The following LGALS9C variants were observed in gnomAD, a reference collection of about 807,000 sequenced individuals.
The protein encoded by LGALS9C is galectin 9C, also known as galectin-9C.
In LGALS9C, 7 loss-of-function variants were observed where a neutral mutation model predicts 41.3. The ratio of observed to expected loss-of-function variants is 0.17; its 90% confidence interval spans 0.10 to 0.32. The LOEUF is 0.32. LGALS9C is among the 10% of genes least tolerant of loss of function. LGALS9C has a pLI of 1.00. For synonymous variants in LGALS9C, 44 were observed against 171.0 expected, an observed-to-expected ratio of 0.26 and a Z score of 5.80; for missense variants, 102 against 455.2, an observed-to-expected ratio of 0.22 and a Z score of 7.06.
chr17:18,488,004 T>C (rs1361464125), intron 4 of LGALS9C, among the ~76,000 whole-genome samples: 3 of 131,968 alleles, frequency 2.3e-5, no homozygotes, highest in Admixed American at 7.5e-5. Flanking sequence ...CCCCTTTCTC[T>C]TCATCCGTCA....
In LGALS9C at chr17:18,478,176, G is replaced by A. The variant is rs1682216; in HGVS notation, c.39+1283G>A. On this transcript the variant is annotated intron_variant, in intron 1 of 10. Transcript: ENST00000328114. ...GCTGCCGGTGTTGGGCGAGCCTTAG[G>A]GTCAGCGTGTGCCACCTTGAGCATG... 1.7e-4 allele frequency among the ~76,000 whole-genome samples: 22 copies of A among 127,532 alleles called. 1 individual carries two copies. Among genetic ancestry groups the A allele is most frequent in the African/African-American group, 3.3e-4 (13 of 39,620 alleles). The allele number at this position is 127,532 out of a possible 152,430, so 83.7% of individuals were successfully genotyped here.
chr17:18,491,197 TGTG>T, intron 6 of LGALS9C, 73 bp from the exon 7 acceptor site: 2 of 1,269,012 alleles, frequency 1.6e-6, no homozygotes, highest in Non-Finnish European at 2.2e-6. Context: ...GTGCCTGCCG[TGTG>T]GCACCCTCTG....
chr17:18,483,198 T>G, intron 1 of LGALS9C, among the ~76,000 whole-genome samples: 1 of 128,160 alleles, frequency 7.8e-6, no homozygotes, highest in Non-Finnish European at 1.9e-5. Context: ...TTTGACAAAG[T>G]GCTTGCCCAC....
At chr17:18,487,902 G>A in intron 4 of LGALS9C, 145 bp downstream of exon 4, 1 of 584,180 alleles carries the variant, frequency 1.7e-6, no homozygotes, top group South Asian at 2.0e-5. Flanking sequence ...CCCAGTACCT[G>A]CCCGCCCCTT....
rs552232203 is a variant in LGALS9C, at chr17:18,479,338, A to G, written c.39+2445A>G. On this transcript the variant is annotated intron_variant, in intron 1 of 10. Coordinates refer to ENST00000328114, the MANE Select transcript of LGALS9C (RefSeq NM_001040078.3). ...AAAGAGCTGCACTGTCAAGGCCGAC[A>G]TGGGCCAGAGGCTCAGCACATGGCA... Among the ~76,000 whole-genome samples, 28 of 130,350 alleles carry G rather than the reference A, an allele frequency of 2.1e-4. 3 individuals carry two copies. The highest frequency in any genetic ancestry group is 7.0e-4 in the African/African-American group (28 of 40,042). 85.5% of individuals were successfully genotyped at this position (130,350 alleles called of 152,430 possible).
intron 5 of LGALS9C, chr17:18,489,938 C>G (rs1049977676): frequency 2.6e-5 from 3 of 116,100 alleles, no homozygotes; most frequent in East Asian, 2.0e-4. Context: ...GAATGGGATA[C>G]CAGCCAGGGC....
chr17:18,487,906 G>A (rs1237694918), intron 4 of LGALS9C, 149 bp downstream of exon 4: 15 of 577,956 alleles, frequency 2.6e-5, no homozygotes, highest in East Asian at 5.6e-5. Context: ...GTACCTGCCC[G>A]CCCCTTCTCC....
intron 1 of LGALS9C, among the ~76,000 whole-genome samples, chr17:18,478,782 C>T (rs866055588): frequency 0.022 from 1,287 of 58,166 alleles, 12 homozygotes; most frequent in African/African-American, 0.052. Context: ...GCTCTGTTGC[C>T]GACCAGCTGT....
chr17:18,478,487 C>G lies in LGALS9C; in HGVS notation c.39+1594C>G, dbSNP rs536590506. On this transcript the variant is annotated intron_variant, in intron 1 of 10. Transcript: ENST00000328114. ...CTCACTCGGTGACCCATCTGGCAGTCGGAGTCACGCTTTCTCCACATGCCG... is the reference window on the plus strand; with the variant it reads ...CTCACTCGGTGACCCATCTGGCAGTGGGAGTCACGCTTTCTCCACATGCCG... Among the ~76,000 whole-genome samples the G allele has an allele frequency of 1.6e-5, 2 of 122,632 alleles. 1 individual carries two copies. Among genetic ancestry groups the G allele is most frequent in the African/African-American group, 5.4e-5 (2 of 36,928 alleles). 80.5% of individuals were successfully genotyped at this position (122,632 alleles called of 152,430 possible).
At chr17:18,491,390 C>G in intron 7 of LGALS9C, 67 bp downstream of exon 7, 1 of 1,365,988 alleles carries the variant, frequency 7.3e-7, no homozygotes, top group South Asian at 1.3e-5. Flanking sequence ...ACTAAACTCC[C>G]TAGAGCCCTA....
intron 1 of LGALS9C, among the ~76,000 whole-genome samples, chr17:18,478,024 A>G (rs998911940): frequency 1.6e-5 from 2 of 123,528 alleles, no homozygotes; most frequent in African/African-American, 5.2e-5. Context: ...TGCTTTCTAG[A>G]CTCCAGAGAG....
intron 1 of LGALS9C, 76 bp downstream of exon 1, chr17:18,476,969 CTGGG>C: frequency 7.3e-7 from 1 of 1,360,594 alleles, no homozygotes; most frequent in Non-Finnish European, 1.0e-6. Context: ...GAAGCAACTC[CTGGG>C]TGGCAGGAGA....
intron 4 of LGALS9C, 81 bp downstream of exon 4, chr17:18,487,838 A>G (rs4110073): frequency 6.4e-7 from 1 of 1,566,282 alleles, no homozygotes; most frequent in South Asian, 1.1e-5. Flanking sequence ...AGCTGGGGGG[A>G]CCCAAGCCAA....
At chr17:18,476,922 T>C (rs1989224297) in intron 1 of LGALS9C, 29 bp downstream of exon 1, 1 of 1,589,050 alleles carries the variant, frequency 6.3e-7, no homozygotes. Flanking sequence ...GGCACAGGGC[T>C]GCCTCAGCCA....
chr17:18,480,791 C>A (rs1989363289), intron 1 of LGALS9C, among the ~76,000 whole-genome samples: 1 of 114,768 alleles, frequency 8.7e-6, no homozygotes, highest in South Asian at 3.0e-4. Context: ...CAATGAATAA[C>A]CTTGTTTGTT....
At chr17:18,494,085 C>T (rs371048100) in intron 10 of LGALS9C, 136 bp from the exon 11 acceptor site, 82,358 of 570,800 alleles carry the variant, frequency 0.14, 5,368 homozygotes, top group Non-Finnish European at 0.16. Context: ...AGTGAAGAGC[C>T]GGTCGCTCAG....
Position 18,476,832 on chromosome 17 carries a change from G to A in LGALS9C, c.-23G>A, listed in dbSNP as rs367599632. The A allele has an allele frequency of 2.8e-5, 44 of 1,578,984 alleles. No individual in the cohort carries two copies. Among genetic ancestry groups the A allele is most frequent in the African/African-American group, 4.0e-5 (3 of 74,544 alleles). ...TGCCTGGCAGGTGTCAAAGGCAGTG[G>A]TGGCCACAGAGGCGGTGGAGAGATG... is the stretch of plus-strand genomic sequence containing the variant. On this transcript the variant is annotated 5_prime_UTR_variant, in exon 1 of 11. It adds an upstream start codon to the 5' untranslated region. Transcript: ENST00000328114.
rs1989837065 is a variant in LGALS9C at position 18,492,223 on chromosome 17, C to T, written c.672+234C>T. On this transcript the variant is annotated intron_variant, in intron 8 of 10. Coordinates refer to ENST00000328114, the MANE Select transcript of LGALS9C (RefSeq NM_001040078.3). ...CATTGCATGGCCCTCCCTTTTCACC[C>T]CACGAGTCTTTCTTTCTGTGTTTGG... The T allele has an allele frequency of 6.0e-6, 3 of 503,460 alleles. No individual in the cohort carries two copies. In the East Asian group the frequency reaches 8.6e-5, roughly 14 times the overall value. The allele number at this position is 503,460 out of a possible 1,614,324, so 31.2% of individuals were successfully genotyped here. A position where few individuals can be genotyped will look rare whatever the true frequency, so the allele number is the denominator to read the frequency against.
At chr17:18,487,432 G>A (rs1431739717) in intron 3 of LGALS9C, among the ~76,000 whole-genome samples, 2 of 48,372 alleles carry the variant, frequency 4.1e-5, no homozygotes, top group African/African-American at 1.2e-4. Flanking sequence ...GAGAAGAAAG[G>A]GGAAGGAAAC....
Sources: allele counts gnomAD v4.1 joint callset (sites outside exome capture counted in the v4.1 genomes callset), GRCh38; gene constraint gnomAD v4.1.1; transcripts MANE v1.5; gene names NCBI Gene and HGNC (gene_info 2026-07-23, HGNC 2026-07-21).